Variants in DSCAM observed in about 807,000 individuals in gnomAD.
DSCAM encodes cell adhesion molecule DSCAM.
In DSCAM, 47 loss-of-function variants were observed where a neutral mutation model predicts 217.7. The observed-to-expected ratio is 0.22, with a 90% CI of 0.17 to 0.28. The LOEUF is 0.28. Among genes scored for constraint, DSCAM ranks in the 10% least tolerant of loss-of-function variants. The probability of loss-of-function intolerance (pLI) is 1.00; values close to 1 mark genes in which losing one functional copy is unlikely to be tolerated. For missense variants in DSCAM, 2,080 were observed against 2,618.3 expected, an observed-to-expected ratio of 0.79 and a Z score of 4.49; for synonymous variants, 1,056 against 1,015.3, an observed-to-expected ratio of 1.04 and a Z score of -0.76.
At chr21:40,493,638 G>C (rs1013126253) in intron 3 of DSCAM, among the ~76,000 whole-genome samples, 1 of 151,696 alleles carries the variant, frequency 6.6e-6, no homozygotes, top group African/African-American at 2.4e-5. Flanking sequence ...GAGGCAGGTG[G>C]ATCCCCTGAG....
intron 1 of DSCAM, among the ~76,000 whole-genome samples, chr21:40,834,051 C>T (rs904707319): frequency 6.6e-6 from 1 of 152,166 alleles, no homozygotes; most frequent in African/African-American, 2.4e-5. Context: ...CTGAAGAACA[C>T]AGCTTGTCCG....
chr21:40,428,261 TG>T, intron 3 of DSCAM, among the ~76,000 whole-genome samples: 1 of 148,992 alleles, frequency 6.7e-6, no homozygotes, highest in South Asian at 2.2e-4. Flanking sequence ...TGTGTGTGTG[TG>T]TGTGTGTGTG....
chr21:40,763,608 C>T (rs781762132), intron 1 of DSCAM, among the ~76,000 whole-genome samples: 4 of 152,134 alleles, frequency 2.6e-5, no homozygotes, highest in African/African-American at 4.8e-5. Context: ...AAATTTCATA[C>T]GGAATCAAAA....
intron 21 of DSCAM, among the ~76,000 whole-genome samples, chr21:40,093,447 C>CTT (rs1157169056): frequency 6.6e-6 from 1 of 152,198 alleles, no homozygotes; most frequent in African/African-American, 2.4e-5. Flanking sequence ...TTTTCAGCTA[C>CTT]TCCAAGGAAT....
intron 3 of DSCAM, among the ~76,000 whole-genome samples, chr21:40,417,852 C>T (rs1288117271): frequency 1.3e-5 from 2 of 152,090 alleles, no homozygotes; most frequent in Non-Finnish European, 2.9e-5. Context: ...GTTGTTTATA[C>T]AAATTATCTC....
intron 3 of DSCAM, among the ~76,000 whole-genome samples, chr21:40,528,150 C>G (rs1341895454): frequency 6.6e-6 from 1 of 152,194 alleles, no homozygotes; most frequent in Admixed American, 6.5e-5. Flanking sequence ...TCACAAAGCT[C>G]TCCATGACAT....
At chr21:40,685,754 G>C (rs757131279) in intron 3 of DSCAM, among the ~76,000 whole-genome samples, 2 of 152,114 alleles carry the variant, frequency 1.3e-5, no homozygotes, top group African/African-American at 2.4e-5. Context: ...GTGGGCTTGG[G>C]GACCTTTGAC....
At chr21:40,082,334 C>T (rs557869095) in intron 24 of DSCAM, among the ~76,000 whole-genome samples, 11 of 152,280 alleles carry the variant, frequency 7.2e-5, no homozygotes, top group African/African-American at 2.4e-4. Context: ...GTGACACGTG[C>T]CTGTAGTCCC....
chr21:40,589,896 T>C (rs1166092981), intron 3 of DSCAM, among the ~76,000 whole-genome samples: 1 of 152,234 alleles, frequency 6.6e-6, no homozygotes, highest in African/African-American at 2.4e-5. Context: ...TATGTACAAA[T>C]GAACTGGCTC....
At chr21:40,628,814 C>A (rs575269140) in intron 3 of DSCAM, among the ~76,000 whole-genome samples, 1 of 152,260 alleles carries the variant, frequency 6.6e-6, no homozygotes, top group African/African-American at 2.4e-5. Context: ...GTGGTGCGAT[C>A]TCAGCTCACT....
At chr21:40,520,479 A>G (rs1266661068) in intron 3 of DSCAM, among the ~76,000 whole-genome samples, 11 of 152,204 alleles carry the variant, frequency 7.2e-5, no homozygotes. Context: ...AGGAGGAAAT[A>G]AAACACAAAC....
intron 1 of DSCAM, among the ~76,000 whole-genome samples, chr21:40,733,979 G>A (rs1194082911): frequency 6.6e-6 from 1 of 152,150 alleles, no homozygotes; most frequent in Admixed American, 6.5e-5. Context: ...ATATAGGCAG[G>A]GAGCTGGGGT....
intron 3 of DSCAM, among the ~76,000 whole-genome samples, chr21:40,457,476 C>T (rs1332149613): frequency 6.6e-6 from 1 of 151,972 alleles, no homozygotes. Flanking sequence ...TGCACCACGG[C>T]ACCCCAGCCT....
chr21:40,809,989 C>T (rs140885796), intron 1 of DSCAM, among the ~76,000 whole-genome samples: 338 of 152,286 alleles, frequency 2.2e-3, no homozygotes, highest in African/African-American at 7.9e-3. Flanking sequence ...TGACTTCAGG[C>T]GAGATGGCAG....
At chr21:40,458,658 T>C (rs899407606) in intron 3 of DSCAM, among the ~76,000 whole-genome samples, 4 of 152,134 alleles carry the variant, frequency 2.6e-5, no homozygotes, top group African/African-American at 4.8e-5. Flanking sequence ...AAAAATTAGA[T>C]TGTTGATTAA....
chr21:40,191,223 G>A (rs533719101), intron 11 of DSCAM, among the ~76,000 whole-genome samples: 24 of 152,298 alleles, frequency 1.6e-4, no homozygotes, highest in African/African-American at 5.5e-4. Context: ...TACCAGTTCC[G>A]TAGCCTGAAC....
chr21:40,294,265 C>T (rs574942368), intron 10 of DSCAM, among the ~76,000 whole-genome samples: 113 of 152,168 alleles, frequency 7.4e-4, no homozygotes, highest in African/African-American at 2.5e-3. Flanking sequence ...TAGAGATAAG[C>T]GTGCAAGTAA....
At chr21:40,674,241 CATTTT>C (rs1359978543) in intron 3 of DSCAM, among the ~76,000 whole-genome samples, 1 of 152,132 alleles carries the variant, frequency 6.6e-6, no homozygotes, top group African/African-American at 2.4e-5. Context: ...CTTAAAGGAC[CATTTT>C]ATTTGTGGTT....
At chr21:40,111,595 G>A (rs1191884338) in intron 20 of DSCAM, among the ~76,000 whole-genome samples, 1 of 152,064 alleles carries the variant, frequency 6.6e-6, no homozygotes, top group East Asian at 1.9e-4. Context: ...TGGACTAAAT[G>A]CTCCAATTAA....
Sources: gnomAD v4.1 joint callset for allele counts (sites outside exome capture counted in the v4.1 genomes callset) on GRCh38, gnomAD v4.1.1 for gene constraint, MANE v1.5 for transcripts, NCBI Gene and HGNC (gene_info 2026-07-23, HGNC 2026-07-21) for gene names.